The following NALF1 variants were observed in gnomAD, a reference collection of about 807,000 sequenced individuals.
The protein encoded by NALF1 is family with sequence similarity 155 member A.
In NALF1, 3 loss-of-function variants were observed where a neutral mutation model predicts 48.4. That is an observed-to-expected ratio of 0.06 (90% confidence interval 0.03 to 0.16). The LOEUF (loss-of-function observed/expected upper bound fraction) is 0.16. NALF1 is among the 10% of genes least tolerant of loss of function. NALF1 has a pLI of 1.00. For missense variants in NALF1, 526 were observed against 571.5 expected, an observed-to-expected ratio of 0.92 and a Z score of 0.81; for synonymous variants, 262 against 245.7, an observed-to-expected ratio of 1.07 and a Z score of -0.62.
intron 1 of NALF1, among the ~76,000 whole-genome samples, chr13:107,765,827 T>C (rs1877403312): frequency 6.6e-6 from 1 of 152,182 alleles, no homozygotes; most frequent in Non-Finnish European, 1.5e-5. Flanking sequence ...TTGAAGATTC[T>C]GAAGGGAATA....
chr13:107,778,444 G>GGGTAT (rs1202586225), intron 1 of NALF1, among the ~76,000 whole-genome samples: 3 of 152,160 alleles, frequency 2.0e-5, no homozygotes, highest in Admixed American at 2.0e-4. Flanking sequence ...TTCTTAAAGG[G>GGGTAT]GGTATGATCA....
chr13:107,719,073 C>T (rs1875906707), intron 1 of NALF1, among the ~76,000 whole-genome samples: 1 of 152,140 alleles, frequency 6.6e-6, no homozygotes, highest in African/African-American at 2.4e-5. Context: ...ACGTAGAGTG[C>T]CTGGGTCCCT....
chr13:107,698,067 C>G (rs140831927), intron 1 of NALF1, among the ~76,000 whole-genome samples: 319 of 152,188 alleles, frequency 2.1e-3, no homozygotes, highest in African/African-American at 7.4e-3. Context: ...TTTTAAATTT[C>G]TTCTGGAAAT....
chr13:107,381,583 C>G (rs1284086231), intron 1 of NALF1, among the ~76,000 whole-genome samples: 5 of 151,972 alleles, frequency 3.3e-5, no homozygotes, highest in Non-Finnish European at 5.9e-5. Context: ...CACTCCCACT[C>G]TTCCTAAAGA....
chr13:107,710,350 A>C (rs1177786848), intron 1 of NALF1, among the ~76,000 whole-genome samples: 1 of 152,040 alleles, frequency 6.6e-6, no homozygotes, highest in Non-Finnish European at 1.5e-5. Context: ...TTCATATACC[A>C]TCATCATCAC....
intron 2 of NALF1, among the ~76,000 whole-genome samples, chr13:107,175,074 A>G (rs1418881154): frequency 1.7e-5 from 2 of 114,612 alleles, no homozygotes; most frequent in Non-Finnish European, 3.6e-5. Flanking sequence ...TATTTTTAGT[A>G]GAGACGGGGT....
intron 1 of NALF1, among the ~76,000 whole-genome samples, chr13:107,734,405 AAAAAAC>A (rs1057505544): frequency 3.2e-4 from 17 of 52,608 alleles, no homozygotes; most frequent in African/African-American, 7.9e-4. Context: ...TTCCTTTAAA[AAAAAAC>A]ACACACACAC....
At chr13:107,838,533 C>G (rs573759985) in intron 1 of NALF1, among the ~76,000 whole-genome samples, 2 of 152,006 alleles carry the variant, frequency 1.3e-5, no homozygotes, top group Non-Finnish European at 2.9e-5. Flanking sequence ...CAAATTGTGT[C>G]GTACGTAACA....
At chr13:107,724,746 T>G (rs1876100695) in intron 1 of NALF1, among the ~76,000 whole-genome samples, 1 of 152,020 alleles carries the variant, frequency 6.6e-6, no homozygotes, top group Admixed American at 6.6e-5. Flanking sequence ...GGTTTTTTTG[T>G]TTTTGTTTTT....
At chr13:107,781,217 G>A (rs1429767074) in intron 1 of NALF1, among the ~76,000 whole-genome samples, 1 of 152,182 alleles carries the variant, frequency 6.6e-6, no homozygotes, top group East Asian at 1.9e-4. Flanking sequence ...TGAAACCAGA[G>A]ATGCCTCTGC....
intron 1 of NALF1, among the ~76,000 whole-genome samples, chr13:107,649,289 A>T (rs2138466108): frequency 6.6e-6 from 1 of 152,324 alleles, no homozygotes; most frequent in East Asian, 1.9e-4. Flanking sequence ...TCATACACAG[A>T]TTTTTACATC....
intron 1 of NALF1, among the ~76,000 whole-genome samples, chr13:107,688,572 G>GA (rs1299463515): frequency 6.6e-6 from 1 of 151,528 alleles, no homozygotes; most frequent in African/African-American, 2.4e-5. Context: ...ACAGGAAAAA[G>GA]AAAAAAAGGG....
At chr13:107,239,485 ATTT>A (rs1880423128) in intron 1 of NALF1, among the ~76,000 whole-genome samples, 1 of 152,196 alleles carries the variant, frequency 6.6e-6, no homozygotes, top group Admixed American at 6.5e-5. Context: ...TAAAGACATC[ATTT>A]TAACTTGATT....
At position 107,866,338 on chromosome 13, in the gene NALF1, TCTGCTGCTGCTGCTGCTG is replaced by T. The variant is rs756515049; in HGVS notation, c.241_258del (p.Gln81_Gln86del). 8.8e-6 allele frequency: 14 copies of T among 1,598,642 alleles called. No homozygotes were observed. Among genetic ancestry groups the T allele is most frequent in the Non-Finnish European group, 4.3e-6 (5 of 1,172,240 alleles). ...TGCTGCTGCTGCTGCTGCCGCTGCC[TCTGCTGCTGCTGCTGCTG>T]CTGCTGCTGCCGCTGCTGCTGCTGG... On this transcript the variant is annotated inframe_deletion, in exon 1 of 3. Coordinates refer to ENST00000375915, the MANE Select transcript of NALF1 (RefSeq NM_001080396.3). This position sits in a 1 kb window ranked among gnomAD's most constrained non-coding sequence, Gnocchi z 4.4.
intron 1 of NALF1, among the ~76,000 whole-genome samples, chr13:107,234,269 G>C (rs1880290447): frequency 6.6e-6 from 1 of 152,122 alleles, no homozygotes; most frequent in South Asian, 2.1e-4. Flanking sequence ...CAAGTGGAAA[G>C]GGCAACTTTC....
At chr13:107,764,157 G>A (rs918781609) in intron 1 of NALF1, among the ~76,000 whole-genome samples, 1 of 152,030 alleles carries the variant, frequency 6.6e-6, no homozygotes, top group Non-Finnish European at 1.5e-5. Context: ...AAATAAAAAG[G>A]CAACATATTT....
chr13:107,408,232 A>C (rs1176592765), intron 1 of NALF1, among the ~76,000 whole-genome samples: 1 of 152,080 alleles, frequency 6.6e-6, no homozygotes, highest in Admixed American at 6.6e-5. Context: ...AGTGAAAAAT[A>C]ATTTAATTGT....
chr13:107,598,416 G>A (rs1878819002), intron 1 of NALF1, among the ~76,000 whole-genome samples: 1 of 152,088 alleles, frequency 6.6e-6, no homozygotes, highest in Non-Finnish European at 1.5e-5. Context: ...ATAATTTATA[G>A]ACTGATGTTT....
chr13:107,571,026 GA>G (rs1416055337), intron 1 of NALF1, among the ~76,000 whole-genome samples: 1 of 152,076 alleles, frequency 6.6e-6, no homozygotes, highest in African/African-American at 2.4e-5. Context: ...AAATAGATGG[GA>G]AAACATTATT....
Sources: allele counts gnomAD v4.1 joint callset (sites outside exome capture counted in the v4.1 genomes callset), GRCh38; gene constraint gnomAD v4.1.1; non-coding constraint Gnocchi (gnomAD v3.1); transcripts MANE v1.5; gene names NCBI Gene and HGNC (gene_info 2026-07-23, HGNC 2026-07-21).